RASSF5: variants seen among roughly 807,000 people sequenced by gnomAD.
RASSF5 encodes ras association domain-containing protein 5.
RASSF5 carries 25 observed loss-of-function variants against 40.5 expected under a neutral mutation model. That is an observed-to-expected ratio of 0.62 (90% CI 0.45 to 0.86). The LOEUF (loss-of-function observed/expected upper bound fraction) is 0.86. Among genes scored for constraint, RASSF5 ranks in the 40% least tolerant of loss-of-function variants. RASSF5 has a pLI of 0.00. For synonymous variants in RASSF5, 246 were observed against 252.4 expected, an observed-to-expected ratio of 0.97 and a Z score of 0.24; for missense variants, 521 against 572.8, an observed-to-expected ratio of 0.91 and a Z score of 0.92.
At chr1:206,558,366 C>T (rs1668047920) in intron 2 of RASSF5, among the ~76,000 whole-genome samples, 2 of 151,532 alleles carry the variant, frequency 1.3e-5, no homozygotes, top group South Asian at 4.2e-4. Context: ...GGTGCCCTGG[C>T]CACTCTCCTA....
rs1553394128 is a variant in RASSF5 at position 206,508,056 on chromosome 1, A to G, written c.454A>G (p.Thr152Ala). 7.2e-7 allele frequency: 1 copy of G among 1,393,152 alleles called. No individual in the cohort carries two copies. The highest frequency in any genetic ancestry group is 1.5e-5 in the African/African-American group (1 of 67,286). The allele number at this position is 1,393,152 out of a possible 1,614,324, so 86.3% of individuals were successfully genotyped here. Residue 152 changes from threonine to alanine, a missense_variant, in exon 1 of 6, where the codon ACT becomes GCT. Coordinates refer to ENST00000579436, the MANE Select transcript of RASSF5 (RefSeq NM_182663.4). ...GGTGCTGCGGCAGGCGCTGCGCTGCACTAGTAAGTGTGAAGGCAGGGGAGG... is the reference window on the plus strand; with the variant it reads ...GGTGCTGCGGCAGGCGCTGCGCTGCGCTAGTAAGTGTGAAGGCAGGGGAGG... Reference protein sequence around the residue: ...REVLRQALRCTNCKFTCHPEC... With the variant: ...REVLRQALRCANCKFTCHPEC...
intron 2 of RASSF5, among the ~76,000 whole-genome samples, chr1:206,573,865 G>A (rs1004419607): frequency 2.0e-5 from 3 of 152,200 alleles, no homozygotes; most frequent in Non-Finnish European, 4.4e-5. Flanking sequence ...AATAGAAATC[G>A]GAGTCTTAGT....
chr1:206,554,920 T>G (rs1282582735), intron 2 of RASSF5, among the ~76,000 whole-genome samples: 1 of 152,174 alleles, frequency 6.6e-6, no homozygotes, highest in African/African-American at 2.4e-5. Context: ...CCAACCTAGA[T>G]TCACTGACAG....
intron 1 of RASSF5, among the ~76,000 whole-genome samples, chr1:206,532,217 C>T (rs1553398062): frequency 6.6e-6 from 1 of 152,104 alleles, no homozygotes; most frequent in Admixed American, 6.6e-5. Flanking sequence ...CTCAGGAATC[C>T]ACATAGCAGA....
intron 1 of RASSF5, among the ~76,000 whole-genome samples, chr1:206,515,160 G>T (rs568779252): frequency 6.6e-6 from 1 of 152,292 alleles, no homozygotes; most frequent in East Asian, 1.9e-4. Flanking sequence ...CCTTCTGCTG[G>T]TGAATGCTGA....
At chr1:206,567,915 C>T (rs191227799) in intron 2 of RASSF5, among the ~76,000 whole-genome samples, 179 of 152,208 alleles carry the variant, frequency 1.2e-3, no homozygotes, top group African/African-American at 3.6e-3. Context: ...AACTGAAGCA[C>T]GGGAAGGGGT....
At chr1:206,547,590 A>G (rs778209801) in intron 2 of RASSF5, among the ~76,000 whole-genome samples, 10 of 151,976 alleles carry the variant, frequency 6.6e-5, no homozygotes, top group Non-Finnish European at 1.3e-4. Flanking sequence ...TTGTATAATT[A>G]TTTCATTATA....
intron 2 of RASSF5, among the ~76,000 whole-genome samples, chr1:206,546,234 G>A (rs1553400181): frequency 1.3e-5 from 2 of 149,788 alleles, no homozygotes; most frequent in African/African-American, 4.9e-5. Flanking sequence ...TCAGCCTCTC[G>A]AGGAACTGGG....
At chr1:206,520,409 C>T (rs1327267588) in intron 1 of RASSF5, among the ~76,000 whole-genome samples, 3 of 152,128 alleles carry the variant, frequency 2.0e-5, no homozygotes, top group African/African-American at 7.2e-5. Flanking sequence ...GAGTTCGAGA[C>T]AAGCCTGGCT....
At chr1:206,555,215 G>T (rs1553401580) in intron 2 of RASSF5, among the ~76,000 whole-genome samples, 1 of 152,312 alleles carries the variant, frequency 6.6e-6, no homozygotes, top group East Asian at 1.9e-4. Flanking sequence ...GGCATCTGGT[G>T]TGCTGCTTCT....
Position 206,579,396 on chromosome 1 carries a change from G to A in RASSF5, c.580-3873G>A, listed in dbSNP as rs56919535. ...AACTGTCTGCTTGGTTTCTCGCTTTGTACCCGTGGACAGATCCTTAAGAAT... is the reference window on the plus strand; with the variant it reads ...AACTGTCTGCTTGGTTTCTCGCTTTATACCCGTGGACAGATCCTTAAGAAT... On this transcript the variant is annotated intron_variant, in intron 2 of 5. Coordinates refer to ENST00000579436, the MANE Select transcript of RASSF5 (RefSeq NM_182663.4). The surrounding 1 kb of genome is among the most constrained non-coding windows in gnomAD (Gnocchi z 4.2). Among the ~76,000 whole-genome samples the A allele has an allele frequency of 1.2e-4, 19 of 152,170 alleles. No individual in the cohort carries two copies. The highest frequency in any genetic ancestry group is 4.3e-4 in the African/African-American group (18 of 41,444).
Position 206,528,609 on chromosome 1 carries a change from C to G in RASSF5, c.458-9563C>G, listed in dbSNP as rs190707920. ...AGGTTCATCAGTTGTGACAAATGTA[C>G]CACTCTGGTGGGGGATGCTGATAAT... On this transcript the variant is annotated intron_variant, in intron 1 of 5. Coordinates refer to ENST00000579436, the MANE Select transcript of RASSF5 (RefSeq NM_182663.4). 6.6e-5 allele frequency among the ~76,000 whole-genome samples: 10 copies of G among 152,212 alleles called. No individual in the cohort carries two copies. The East Asian group carries it at 1.7e-3, about 26-fold the overall frequency.
At chr1:206,569,836 G>A (rs1668392051) in intron 2 of RASSF5, among the ~76,000 whole-genome samples, 1 of 152,016 alleles carries the variant, frequency 6.6e-6, no homozygotes, top group South Asian at 2.1e-4. Context: ...CATTTTTTGT[G>A]TTCATTTTGC....
intron 2 of RASSF5, chr1:206,542,700 A>G (rs1420532124): frequency 6.6e-6 from 1 of 152,208 alleles, no homozygotes; most frequent in Non-Finnish European, 1.5e-5. Context: ...GGCCCTGCTC[A>G]TGTTCCACCT....
chr1:206,568,937 T>A (rs1668361118), intron 2 of RASSF5, among the ~76,000 whole-genome samples: 1 of 152,154 alleles, frequency 6.6e-6, no homozygotes, highest in Admixed American at 6.5e-5. Context: ...GAGTGTGCCG[T>A]GACTCTATGA....
chr1:206,574,291 T>C (rs1553404746), intron 2 of RASSF5, among the ~76,000 whole-genome samples: 2 of 152,196 alleles, frequency 1.3e-5, no homozygotes, highest in Non-Finnish European at 2.9e-5. Flanking sequence ...CTGTACTTGC[T>C]CTGGTGTGCC....
At chr1:206,574,707 A>G (rs893921132) in intron 2 of RASSF5, among the ~76,000 whole-genome samples, 1 of 152,182 alleles carries the variant, frequency 6.6e-6, no homozygotes, top group Non-Finnish European at 1.5e-5. Context: ...GGACCTGTGG[A>G]AATCAACCCC....
chr1:206,548,752 C>T (rs1667761165), intron 2 of RASSF5, among the ~76,000 whole-genome samples: 1 of 152,016 alleles, frequency 6.6e-6, no homozygotes, highest in Non-Finnish European at 1.5e-5. Flanking sequence ...TATTTTCATA[C>T]CCCCCCACTC....
chr1:206,517,299 C>A (rs781869007), intron 1 of RASSF5, among the ~76,000 whole-genome samples: 18 of 151,926 alleles, frequency 1.2e-4, no homozygotes, highest in Admixed American at 9.8e-4. Flanking sequence ...CATGGTGAGA[C>A]CCCCACCTCT....
Sources: allele counts gnomAD v4.1 joint callset (sites outside exome capture counted in the v4.1 genomes callset), GRCh38; gene constraint gnomAD v4.1.1; non-coding constraint Gnocchi (gnomAD v3.1); transcripts MANE v1.5; gene names NCBI Gene and HGNC (gene_info 2026-07-23, HGNC 2026-07-21).